ELP4: variants seen among roughly 807,000 people sequenced by gnomAD.
ELP4 encodes the protein elongator complex protein 4.
Under a neutral mutation model 48.9 loss-of-function variants are expected in ELP4, and 51 were observed. The observed-to-expected ratio is 1.04, with a 90% CI of 0.83 to 1.32. ELP4 has a LOEUF of 1.32. Ranked by LOEUF, ELP4 falls within the 40% of genes most tolerant of loss-of-function variation. The probability of loss-of-function intolerance (pLI) is 0.00; values close to 1 mark genes in which losing one functional copy is unlikely to be tolerated. For missense variants in ELP4, 519 were observed against 514.6 expected, an observed-to-expected ratio of 1.01 and a Z score of -0.08; for synonymous variants, 210 against 189.2, an observed-to-expected ratio of 1.11 and a Z score of -0.90.
At chr11:31,512,492 T>C (rs895397003) in intron 1 of ELP4, 7 of 152,228 alleles carry the variant, frequency 4.6e-5, no homozygotes, top group African/African-American at 1.7e-4. Context: ...AATGACCTAA[T>C]ATATAATGTT....
chr11:31,649,246 T>C (rs1945270980), intron 8 of ELP4: 1 of 151,706 alleles, frequency 6.6e-6, no homozygotes, highest in Admixed American at 6.6e-5. Context: ...AAGTAAGATT[T>C]GTCTCTTTGT....
At chr11:31,568,766 C>G (rs577886098) in intron 3 of ELP4, among the ~76,000 whole-genome samples, 1 of 152,084 alleles carries the variant, frequency 6.6e-6, no homozygotes, top group Non-Finnish European at 1.5e-5. Flanking sequence ...TCGCCATATA[C>G]AAAATTAACT....
intron 9 of ELP4, among the ~76,000 whole-genome samples, chr11:31,668,719 T>TGTGTGTGTGTGTGTGTGTGTGC: frequency 9.8e-6 from 1 of 102,034 alleles, no homozygotes; most frequent in Non-Finnish European, 1.9e-5. Flanking sequence ...TGTGTGTGTG[T>TGTGTGTGTGTGTGTGTGTGTGC]GTAAGAACCC....
intron 1 of ELP4, among the ~76,000 whole-genome samples, chr11:31,514,701 T>C (rs186741776): frequency 6.6e-6 from 1 of 152,264 alleles, no homozygotes; most frequent in Admixed American, 6.5e-5. Flanking sequence ...GCTTTTGGAA[T>C]TAGATAAAAT....
chr11:31,626,963 T>G, intron 5 of ELP4, 147 bp from the exon 6 acceptor site: 1 of 485,806 alleles, frequency 2.1e-6, no homozygotes, highest in Non-Finnish European at 3.7e-6. Context: ...GACTTTATAT[T>G]TTAGGATTAT....
At chr11:31,572,105 T>C (rs1033935943) in intron 3 of ELP4, among the ~76,000 whole-genome samples, 12 of 152,192 alleles carry the variant, frequency 7.9e-5, no homozygotes, top group African/African-American at 2.7e-4. Context: ...CTTCTTCCAA[T>C]AGAAGGCAGT....
chr11:31,770,836 G>GA lies in ELP4; in HGVS notation c.1144-12544dup, dbSNP rs60053913. ...GACAGAGTGAGACCCTGTCAAAAAAGAAAAAAAAAAAAACAAGAAAGGAGG... is the reference window on the plus strand; with the variant it reads ...GACAGAGTGAGACCCTGTCAAAAAAGAAAAAAAAAAAAAACAAGAAAGGAGG... On this transcript the variant is annotated intron_variant, in intron 9 of 9. Coordinates refer to ENST00000640961, the MANE Select transcript of ELP4 (RefSeq NM_019040.5). Among the ~76,000 whole-genome samples, 155 of 51,554 alleles carry GA rather than the reference G, an allele frequency of 3.0e-3. 1 individual carries two copies. Among genetic ancestry groups the GA allele is most frequent in the Middle Eastern group, 0.022 (1 of 46 alleles). The allele number at this position is 51,554 out of a possible 152,430, so 33.8% of individuals were successfully genotyped here.
chr11:31,613,886 T>C (rs186045748), intron 5 of ELP4, among the ~76,000 whole-genome samples: 1,792 of 151,974 alleles, frequency 0.012, 35 homozygotes, highest in African/African-American at 0.042. Flanking sequence ...TTTTTTTGTA[T>C]TTTTAATAGA....
At chr11:31,528,133 A>C (rs764336058) in intron 2 of ELP4, among the ~76,000 whole-genome samples, 1 of 151,944 alleles carries the variant, frequency 6.6e-6, no homozygotes, top group Non-Finnish European at 1.5e-5. Flanking sequence ...AGTAGTCTTT[A>C]TTTACCTTAT....
chr11:31,669,937 A>T (rs1462802350), intron 9 of ELP4, among the ~76,000 whole-genome samples: 4 of 152,144 alleles, frequency 2.6e-5, no homozygotes, highest in Admixed American at 1.3e-4. Flanking sequence ...TCAACCTAGA[A>T]TTGTTTTTCA....
In ELP4 at chr11:31,603,836, A is replaced by G. The variant is rs758630413; in HGVS notation, c.582A>G (p.Leu194=). The change falls in exon 5 of 10, where the codon CTA becomes CTG. Residue 194 remains leucine (L), a synonymous_variant. Transcript: ENST00000640961. ...CATCAAAAAGAATGCCACAAGAACT[A>G]ATTGAGGCTTCAAATTGGCATGGAT... The part of the protein sequence containing the change: ...YDASKRMPQE[L]IEASNWHGFF... 5.6e-6 allele frequency: 9 copies of G among 1,611,176 alleles called. No homozygotes were observed. The Admixed American group carries it at 1.0e-4, about 18-fold the overall frequency.
chr11:31,764,313 C>T (rs932852601), intron 9 of ELP4, among the ~76,000 whole-genome samples: 6 of 152,154 alleles, frequency 3.9e-5, no homozygotes, highest in African/African-American at 1.4e-4. Flanking sequence ...AAGTCTCTGC[C>T]GACCAGTATA....
Position 31,784,014 on chromosome 11 carries a change from G to A in ELP4, c.*490G>A, listed in dbSNP as rs763786860. 2 of 152,180 alleles carry A rather than the reference G, an allele frequency of 1.3e-5. No homozygotes were observed. The highest frequency in any genetic ancestry group is 2.9e-5 in the Non-Finnish European group (2 of 68,074). The allele number at this position is 152,180 out of a possible 1,614,324, so 9.4% of individuals were successfully genotyped here. ...CATTTATGTATCCAGTTATTAAATTGATAAAGACAAAGTAATATTTTGGGA... is the reference window on the plus strand; with the variant it reads ...CATTTATGTATCCAGTTATTAAATTAATAAAGACAAAGTAATATTTTGGGA... On this transcript the variant is annotated 3_prime_UTR_variant, in exon 10 of 10. Transcript: ENST00000640961.
chr11:31,672,562 TG>T, intron 9 of ELP4, among the ~76,000 whole-genome samples: 1 of 152,254 alleles, frequency 6.6e-6, no homozygotes, highest in African/African-American at 2.4e-5. Flanking sequence ...GGCTAAGGCG[TG>T]GGCGGATGAC....
chr11:31,695,140 C>A (rs959465389), intron 9 of ELP4, among the ~76,000 whole-genome samples: 1 of 152,078 alleles, frequency 6.6e-6, no homozygotes, highest in Non-Finnish European at 1.5e-5. Context: ...TGATTGAATA[C>A]CCTTTATTTC....
chr11:31,703,057 G>T (rs192974821), intron 9 of ELP4, among the ~76,000 whole-genome samples: 269 of 152,218 alleles, frequency 1.8e-3, no homozygotes, highest in African/African-American at 6.1e-3. Context: ...TTGTCCTTTG[G>T]GGGCTGCATG....
At chr11:31,585,435 T>TAA (rs201593283) in intron 3 of ELP4, among the ~76,000 whole-genome samples, 293 of 140,914 alleles carry the variant, frequency 2.1e-3, no homozygotes, top group African/African-American at 7.2e-3. Flanking sequence ...TGGGTATTAT[T>TAA]AAAAAAAAAA....
chr11:31,718,902 T>A (rs751473448), intron 9 of ELP4, among the ~76,000 whole-genome samples: 1 of 152,146 alleles, frequency 6.6e-6, no homozygotes, highest in Non-Finnish European at 1.5e-5. Flanking sequence ...GACACTTAAT[T>A]GTGGAGGAGC....
intron 6 of ELP4, among the ~76,000 whole-genome samples, chr11:31,631,318 C>T (rs933175827): frequency 6.6e-6 from 1 of 152,118 alleles, no homozygotes. Context: ...TGTAGAGTAG[C>T]ATGCATTCCA....
Sources: gnomAD v4.1 joint callset for allele counts (sites outside exome capture counted in the v4.1 genomes callset) on GRCh38, gnomAD v4.1.1 for gene constraint, MANE v1.5 for transcripts, NCBI Gene and HGNC (gene_info 2026-07-23, HGNC 2026-07-21) for gene names.